The following TRPM6 variants were observed in gnomAD, a reference collection of about 807,000 sequenced individuals.
The protein encoded by TRPM6 is transient receptor potential cation channel subfamily M member 6.
Under a neutral mutation model 247.6 loss-of-function variants are expected in TRPM6, and 111 were observed. That is an observed-to-expected ratio of 0.45 (90% CI 0.38 to 0.52). The LOEUF is 0.52. Ranked by LOEUF, TRPM6 falls within the 20% of genes least tolerant of loss-of-function variation. TRPM6 has a pLI of 0.00. For missense variants in TRPM6, 2,126 were observed against 2,421.5 expected (o/e 0.88, Z 2.56); for synonymous variants, 892 against 853.8 (o/e 1.04, Z -0.78).
intron 27 of TRPM6, among the ~76,000 whole-genome samples, chr9:74,760,174 A>T (rs1826575601): frequency 6.6e-6 from 1 of 152,240 alleles, no homozygotes. Flanking sequence ...AGTAGTATAC[A>T]GTAATGCTCT....
intron 19 of TRPM6, among the ~76,000 whole-genome samples, chr9:74,790,980 G>C (rs1270471413): frequency 6.6e-6 from 1 of 152,132 alleles, no homozygotes; most frequent in Non-Finnish European, 1.5e-5. Context: ...TGGCAGTATT[G>C]CTTCTGACTC....
At chr9:74,755,591 A>G (rs1826405775) in intron 27 of TRPM6, 118 bp from the exon 28 acceptor site, 2 of 1,294,586 alleles carry the variant, frequency 1.5e-6, no homozygotes, top group East Asian at 4.7e-5. Context: ...GCATATGACA[A>G]TTGCCTGGGA....
chr9:74,743,393 G>A (rs917227809), intron 32 of TRPM6, among the ~76,000 whole-genome samples: 5 of 152,164 alleles, frequency 3.3e-5, no homozygotes, highest in Non-Finnish European at 4.4e-5. Flanking sequence ...TTTGTAAAAG[G>A]CTTGCCCATG....
At chr9:74,736,176 A>G (rs1023427639) in intron 36 of TRPM6, among the ~76,000 whole-genome samples, 3 of 152,212 alleles carry the variant, frequency 2.0e-5, no homozygotes, top group Admixed American at 1.3e-4. Context: ...TAACAACTCT[A>G]TGGCTTAAGT....
At chr9:74,805,897 G>C (rs748537745) in intron 14 of TRPM6, among the ~76,000 whole-genome samples, 11 of 152,150 alleles carry the variant, frequency 7.2e-5, no homozygotes, top group Admixed American at 2.0e-4. Context: ...AGAAAAGCTG[G>C]AACTGCTTAA....
intron 1 of TRPM6, among the ~76,000 whole-genome samples, chr9:74,863,642 C>G (rs1346175323): frequency 1.3e-5 from 2 of 152,096 alleles, no homozygotes; most frequent in Non-Finnish European, 2.9e-5. Context: ...AGTGCAATGG[C>G]GCGATCTCGG....
At chr9:74,724,875 G>T in intron 38 of TRPM6, 129 bp from the exon 39 acceptor site, 3 of 1,208,936 alleles carry the variant, frequency 2.5e-6, no homozygotes, top group Non-Finnish European at 3.6e-6. Context: ...TAGATATGTG[G>T]AACTCAAACC....
Position 74,827,831 on chromosome 9 carries a change from A to C in TRPM6, c.788T>G (p.Met263Arg). 2.5e-6 allele frequency: 4 copies of C among 1,614,008 alleles called. No homozygotes were observed. Among genetic ancestry groups the C allele is most frequent in the Non-Finnish European group, 3.4e-6 (4 of 1,179,998 alleles). Reference sequence around the variant, plus strand: ...CTTCTCCAGGTTCCTTCTGAGCTTCATTTCATTTCCATACTTGCCCACGGT... The same window carrying C: ...CTTCTCCAGGTTCCTTCTGAGCTTCCTTTCATTTCCATACTTGCCCACGGT... Reference protein sequence around the residue: ...DGTVGKYGNEMKLRRNLEKYL... With the variant: ...DGTVGKYGNERKLRRNLEKYL... The change falls in exon 7 of 39, where the codon ATG (methionine) becomes AGG (arginine). Residue 263 changes from methionine to arginine, a missense_variant. By Grantham distance (91) the Met-to-Arg change is moderately conservative (BLOSUM62 -1). Transcript: ENST00000360774.
chr9:74,750,672 C>A lies in TRPM6; in HGVS notation c.5049G>T (p.Arg1683Ser). ...LWNSRSTNLN[R>S]NSLLKSSIGV... ...CATTTAGAAATACTCACAGGGAGTT[C>A]CTATTGAGGTTGGTGCTCCTGGAAT... The change falls in exon 30 of 39, where the codon AGG (arginine) becomes AGT (serine). Residue 1683 changes from arginine (R) to serine (S), a missense_variant. Arg to Ser is a moderately radical substitution (Grantham distance 110). Around this residue, in one of 3 missense-constraint regions of TRPM6, gnomAD observed 717 missense variants for 715.9 expected, o/e 1.00. Transcript: ENST00000360774. 1 of 1,613,748 alleles carries A rather than the reference C, an allele frequency of 6.2e-7. No homozygotes were observed. Among genetic ancestry groups the A allele is most frequent in the Non-Finnish European group, 8.5e-7 (1 of 1,179,720 alleles).
intron 21 of TRPM6, among the ~76,000 whole-genome samples, chr9:74,785,490 A>G (rs1827611064): frequency 6.6e-6 from 1 of 152,026 alleles, no homozygotes; most frequent in Non-Finnish European, 1.5e-5. Flanking sequence ...CCGTAAATAC[A>G]TACAGTTACT....
intron 37 of TRPM6, among the ~76,000 whole-genome samples, chr9:74,731,035 G>C (rs1339502173): frequency 6.6e-6 from 1 of 152,202 alleles, no homozygotes; most frequent in Admixed American, 6.5e-5. Context: ...TATCTTCAGA[G>C]ATTCCAATTT....
Position 74,796,723 on chromosome 9 carries a change from T to C in TRPM6, c.2391+18A>G. On this transcript the variant is annotated intron_variant, in intron 18 of 38. Transcript: ENST00000360774. ...GTCAATACAATGAAAATTCAGTTCATTATGATTTTGCACTAACCACAGAAG... is the reference window on the plus strand; with the variant it reads ...GTCAATACAATGAAAATTCAGTTCACTATGATTTTGCACTAACCACAGAAG... 6.2e-7 allele frequency: 1 copy of C among 1,613,544 alleles called. No homozygotes were observed. The highest frequency in any genetic ancestry group is 8.5e-7 in the Non-Finnish European group (1 of 1,179,504).
In TRPM6 at chr9:74,848,326, G is replaced by C. The variant is rs1435622776; in HGVS notation, c.153-5983C>G. On this transcript the variant is annotated intron_variant, in intron 3 of 38. Transcript: ENST00000360774. ...TTGGATTCAAGTACTGCAATACCAA[G>C]ACAGTCAATCAGATAACCCTGACAG... Among the ~76,000 whole-genome samples the C allele has an allele frequency of 2.0e-5, 3 of 152,126 alleles. No individual in the cohort carries two copies. The East Asian group carries it at 5.8e-4, about 29-fold the overall frequency.
chr9:74,808,228 T>C, intron 13 of TRPM6, 54 bp from the exon 14 acceptor site: 1 of 1,608,452 alleles, frequency 6.2e-7, no homozygotes, highest in East Asian at 2.2e-5. Flanking sequence ...CTTTCATTTC[T>C]CTTGCCATGC....
At chr9:74,726,554 T>C (rs1361168080) in intron 38 of TRPM6, among the ~76,000 whole-genome samples, 1 of 152,058 alleles carries the variant, frequency 6.6e-6, no homozygotes, top group Non-Finnish European at 1.5e-5. Flanking sequence ...CAGTGTAGTA[T>C]AAAAAAATTA....
intron 7 of TRPM6, chr9:74,827,572 A>G: frequency 1.5e-6 from 1 of 680,276 alleles, no homozygotes; most frequent in Non-Finnish European, 2.7e-6. Flanking sequence ...TGAAGACTTT[A>G]GTGGATCCTC....
chr9:74,762,601 GA>G lies in TRPM6; in HGVS notation c.4069del (p.Ser1357GlnfsTer31). On this transcript the variant is annotated frameshift_variant, in exon 26 of 39. Coordinates refer to ENST00000360774, the MANE Select transcript of TRPM6 (RefSeq NM_017662.5). LOFTEE classifies it high-confidence loss of function. Reference protein sequence around the residue: ...VPSNLKRVPFSAETVLPLSRP... With the variant: ...VPSNLKRVPFXAETVLPLSRP... ...GGACAGAGGCAAGACAGTTTCTGCT[GA>G]AAAAGGAACTCGCTTTAGATTAGAG... 6.2e-7 allele frequency: 1 copy of G among 1,614,220 alleles called. No homozygotes were observed. The highest frequency in any genetic ancestry group is 8.5e-7 in the Non-Finnish European group (1 of 1,180,040).
rs151316807 is a variant in TRPM6, at chr9:74,789,895, A to C, written c.2539-1153T>G. On this transcript the variant is annotated intron_variant, in intron 19 of 38. Coordinates refer to ENST00000360774, the MANE Select transcript of TRPM6 (RefSeq NM_017662.5). ...AGCATCTCTTGAACCCAGAAGGCCG[A>C]GGTTGCAGTGAGCCGAGATTGCACC... is the stretch of plus-strand genomic sequence containing the variant. Among the ~76,000 whole-genome samples the C allele has an allele frequency of 4.1e-4, 56 of 134,968 alleles. 1 individual carries two copies. In the East Asian group the frequency reaches 0.012, roughly 28 times the overall value. The allele number at this position is 134,968 out of a possible 152,430, so 88.5% of individuals were successfully genotyped here. A position where few individuals can be genotyped will look rare whatever the true frequency, so the allele number is the denominator to read the frequency against.
chr9:74,737,975 G>T (rs1007761998), intron 36 of TRPM6, among the ~76,000 whole-genome samples: 1 of 152,112 alleles, frequency 6.6e-6, no homozygotes, highest in East Asian at 1.9e-4. Flanking sequence ...ATGAACTGTT[G>T]TAACAAGGGA....
Sources: allele counts gnomAD v4.1 joint callset (sites outside exome capture counted in the v4.1 genomes callset), GRCh38; gene constraint gnomAD v4.1.1; regional missense constraint gnomAD v4.1.1; transcripts MANE v1.5; gene names NCBI Gene and HGNC (gene_info 2026-07-23, HGNC 2026-07-21).